Variants in KLRD1 observed in about 807,000 individuals in gnomAD.
KLRD1 encodes the protein killer cell lectin like receptor D1.
Under a neutral mutation model 22.6 loss-of-function variants are expected in KLRD1, and 21 were observed. The observed-to-expected ratio is 0.93, with a 90% CI of 0.66 to 1.34. The LOEUF is 1.34. Among genes scored for constraint, KLRD1 ranks in the 40% most tolerant of loss-of-function variants. The pLI is 0.00. For synonymous variants in KLRD1, 59 were observed against 71.1 expected (o/e 0.83, Z 0.85); for missense variants, 183 against 208.6 (o/e 0.88, Z 0.76).
At chr12:10,254,300 C>T (rs1565448899) in intron 1 of KLRD1, among the ~76,000 whole-genome samples, 1 of 150,356 alleles carries the variant, frequency 6.7e-6, no homozygotes, top group African/African-American at 2.4e-5. Context: ...CGGTGGAGGG[C>T]GCCTGTAGTC....
chr12:10,298,100 A>G (rs1949837473), intron 1 of KLRD1, among the ~76,000 whole-genome samples: 1 of 152,220 alleles, frequency 6.6e-6, no homozygotes, highest in Non-Finnish European at 1.5e-5. Flanking sequence ...ATCTAATAGT[A>G]CATTTCAGGT....
chr12:10,262,497 A>G (rs892641781), intron 1 of KLRD1, among the ~76,000 whole-genome samples: 1 of 152,122 alleles, frequency 6.6e-6, no homozygotes, highest in African/African-American at 2.4e-5. Flanking sequence ...TTGTTAACTA[A>G]CTTTGGTCTT....
At chr12:10,267,159 T>C (rs1029985872) in intron 1 of KLRD1, among the ~76,000 whole-genome samples, 1 of 151,484 alleles carries the variant, frequency 6.6e-6, no homozygotes, top group Non-Finnish European at 1.5e-5. Flanking sequence ...ATTTTATTAA[T>C]CTCATAAAAT....
intron 1 of KLRD1, among the ~76,000 whole-genome samples, chr12:10,273,741 GAGT>G (rs1217592891): frequency 6.6e-6 from 1 of 151,758 alleles, no homozygotes; most frequent in Non-Finnish European, 1.5e-5. Context: ...ATTCTAGAGT[GAGT>G]AGTAAAATGA....
rs1225570214 is a variant in KLRD1 at position 10,320,027 on chromosome 12, G to A, written c.*5234G>A. The A allele has an allele frequency of 6.6e-6, 1 of 151,656 alleles. No individual in the cohort carries two copies. The highest frequency in any genetic ancestry group is 1.5e-5 in the Non-Finnish European group (1 of 67,938). 9.4% of individuals were successfully genotyped at this position (151,656 alleles called of 1,614,324 possible). On this transcript the variant is annotated 3_prime_UTR_variant, in exon 6 of 6. Transcript: ENST00000336164. ...ATTACAGGTGTGCACCACCACTCCT[G>A]GCTAATTTTTTTGTATTTTTAGTAC...
At chr12:10,287,774 T>C (rs1310039812) in intron 1 of KLRD1, among the ~76,000 whole-genome samples, 1 of 151,990 alleles carries the variant, frequency 6.6e-6, no homozygotes, top group East Asian at 1.9e-4. Context: ...TTTTTACCTC[T>C]GTAAGAAAGA....
chr12:10,289,979 T>C (rs1036939755), intron 1 of KLRD1, among the ~76,000 whole-genome samples: 9 of 152,210 alleles, frequency 5.9e-5, no homozygotes, highest in Non-Finnish European at 1.3e-4. Flanking sequence ...GGTTTCTCCA[T>C]GCTTGTCAGG....
At chr12:10,283,331 T>C (rs1488748557) in intron 1 of KLRD1, among the ~76,000 whole-genome samples, 1 of 152,248 alleles carries the variant, frequency 6.6e-6, no homozygotes, top group East Asian at 1.9e-4. Flanking sequence ...TCTAAAATAG[T>C]CTAATTCATA....
chr12:10,255,908 T>G (rs1000615351), intron 1 of KLRD1, among the ~76,000 whole-genome samples: 3 of 152,098 alleles, frequency 2.0e-5, no homozygotes, highest in Admixed American at 2.0e-4. Flanking sequence ...TTTTGCATTA[T>G]TGGACATAGG....
At chr12:10,242,579 T>C (rs905385628) in intron 1 of KLRD1, among the ~76,000 whole-genome samples, 6 of 152,228 alleles carry the variant, frequency 3.9e-5, no homozygotes, top group African/African-American at 1.4e-4. Flanking sequence ...TGGGATCATA[T>C]AGTAATTCTA....
At chr12:10,253,055 T>A (rs1281442227) in intron 1 of KLRD1, among the ~76,000 whole-genome samples, 1 of 152,218 alleles carries the variant, frequency 6.6e-6, no homozygotes, top group Admixed American at 6.5e-5. Context: ...TAATATTTTT[T>A]TATCACTAGT....
At chr12:10,278,168 A>G (rs1425844219) in intron 1 of KLRD1, among the ~76,000 whole-genome samples, 1 of 152,168 alleles carries the variant, frequency 6.6e-6, no homozygotes, top group Non-Finnish European at 1.5e-5. Context: ...CTTTTGGCAG[A>G]TTAACTACAA....
chr12:10,257,019 A>G (rs1474835128), intron 1 of KLRD1, among the ~76,000 whole-genome samples: 1 of 44,262 alleles, frequency 2.3e-5, no homozygotes, highest in African/African-American at 3.0e-5. Context: ...CTTTAGATAT[A>G]CCACCTCTCT....
At chr12:10,267,839 G>A (rs1949513759) in intron 1 of KLRD1, among the ~76,000 whole-genome samples, 1 of 152,118 alleles carries the variant, frequency 6.6e-6, no homozygotes, top group Non-Finnish European at 1.5e-5. Flanking sequence ...ATCCTTGTTT[G>A]CACAATAGTT....
intron 1 of KLRD1, among the ~76,000 whole-genome samples, chr12:10,249,084 C>T (rs941021679): frequency 4.6e-5 from 7 of 152,168 alleles, no homozygotes; most frequent in Middle Eastern, 3.4e-3. Context: ...AAACTATATA[C>T]GACGGATAAT....
intron 5 of KLRD1, 23 bp downstream of exon 5, chr12:10,313,536 G>A (rs1025131679): frequency 7.2e-7 from 1 of 1,394,692 alleles, no homozygotes; most frequent in South Asian, 1.3e-5. Flanking sequence ...CAATCATGGC[G>A]TTTTTTGCTC....
Position 10,308,042 on chromosome 12 carries a change from T to C in KLRD1, c.-36T>C. The stretch of plus-strand genomic sequence containing the variant: ...GTTCTTTCTGAAAAAGTACACATCG[T>C]GCCTTCTCTACTTCGCTCTTGGAAC... On this transcript the variant is annotated 5_prime_UTR_variant, in exon 1 of 6. Transcript: ENST00000336164. 6.2e-7 allele frequency: 1 copy of C among 1,601,702 alleles called. No homozygotes were observed.
upstream of KLRD1, among the ~76,000 whole-genome samples, chr12:10,305,372 C>T (rs1949906811): frequency 6.6e-6 from 1 of 152,074 alleles, no homozygotes; most frequent in East Asian, 1.9e-4. Flanking sequence ...GCAGCACACT[C>T]AGAGAATACT....
chr12:10,247,813 C>T (rs977163139), intron 1 of KLRD1, among the ~76,000 whole-genome samples: 5 of 152,006 alleles, frequency 3.3e-5, no homozygotes, highest in African/African-American at 1.2e-4. Flanking sequence ...ATTTCTCTGT[C>T]CCGGCCACCC....
Sources: allele counts gnomAD v4.1 joint callset (sites outside exome capture counted in the v4.1 genomes callset), GRCh38; gene constraint gnomAD v4.1.1; transcripts MANE v1.5; gene names NCBI Gene and HGNC (gene_info 2026-07-23, HGNC 2026-07-21).